RELN: variants seen among roughly 807,000 people sequenced by gnomAD.
RELN encodes reelin.
RELN carries 108 observed loss-of-function variants against 427.6 expected under a neutral mutation model. The observed-to-expected ratio is 0.25, with a 90% CI of 0.22 to 0.30. The LOEUF (loss-of-function observed/expected upper bound fraction) is 0.30, where lower values mean the gene tolerates loss of function less well. Ranked by LOEUF, RELN falls within the 10% of genes least tolerant of loss-of-function variation. RELN has a pLI of 1.00. For missense variants in RELN, 3,715 were observed against 4,302.8 expected (o/e 0.86, Z 3.82); for synonymous variants, 1,524 against 1,513.4 (o/e 1.01, Z -0.16).
intron 1 of RELN, among the ~76,000 whole-genome samples, chr7:103,961,746 T>C (rs1563113380): frequency 2.0e-5 from 3 of 152,156 alleles, no homozygotes; most frequent in South Asian, 4.1e-4. Flanking sequence ...TCATGTTTCA[T>C]TCTCTCCACC....
At chr7:103,865,706 T>A (rs1309537118) in intron 2 of RELN, among the ~76,000 whole-genome samples, 1 of 152,152 alleles carries the variant, frequency 6.6e-6, no homozygotes, top group Non-Finnish European at 1.5e-5. Flanking sequence ...AATTCTTTCA[T>A]GATAAAAACT....
chr7:103,931,135 G>T (rs1215331341), intron 1 of RELN, among the ~76,000 whole-genome samples: 2 of 152,012 alleles, frequency 1.3e-5, no homozygotes, highest in South Asian at 2.1e-4. Flanking sequence ...CGGGTACCAA[G>T]AATCCCCCAG....
At chr7:103,922,314 TC>T (rs1795632155) in intron 1 of RELN, among the ~76,000 whole-genome samples, 1 of 152,154 alleles carries the variant, frequency 6.6e-6, no homozygotes, top group African/African-American at 2.4e-5. Context: ...TAATAGCTTT[TC>T]TTTTATATAT....
intron 4 of RELN, among the ~76,000 whole-genome samples, chr7:103,764,790 C>T (rs889571233): frequency 4.1e-5 from 6 of 146,922 alleles, no homozygotes; most frequent in African/African-American, 1.5e-4. Context: ...AAGCCGAGAT[C>T]GCACCACTGC....
intron 6 of RELN, among the ~76,000 whole-genome samples, chr7:103,738,337 T>A (rs1412538282): frequency 1.3e-5 from 2 of 152,010 alleles, no homozygotes; most frequent in Non-Finnish European, 2.9e-5. Flanking sequence ...TCCTTTGCAG[T>A]CTCTCTCTGT....
intron 2 of RELN, among the ~76,000 whole-genome samples, chr7:103,847,789 G>T (rs113881709): frequency 4.6e-5 from 7 of 152,086 alleles, no homozygotes; most frequent in African/African-American, 1.7e-4. Context: ...TCTTCTTTGA[G>T]TTTCTGTGGC....
intron 1 of RELN, among the ~76,000 whole-genome samples, chr7:103,971,453 A>G (rs1379668163): frequency 6.6e-6 from 1 of 152,228 alleles, no homozygotes; most frequent in Non-Finnish European, 1.5e-5. Flanking sequence ...ATACACAGAT[A>G]TGCACAAAAT....
chr7:103,769,776 C>T (rs547165665), intron 4 of RELN, among the ~76,000 whole-genome samples: 2 of 152,128 alleles, frequency 1.3e-5, no homozygotes, highest in Non-Finnish European at 2.9e-5. Flanking sequence ...ACTCTGTGAC[C>T]GTGATGAATC....
chr7:103,625,637 TC>T (rs1294125049), intron 20 of RELN, among the ~76,000 whole-genome samples: 1 of 152,100 alleles, frequency 6.6e-6, no homozygotes, highest in African/African-American at 2.4e-5. Flanking sequence ...GTATCATTGC[TC>T]CCATTTTACA....
chr7:103,811,569 G>A (rs921403199), intron 3 of RELN, among the ~76,000 whole-genome samples: 5 of 152,094 alleles, frequency 3.3e-5, no homozygotes, highest in Non-Finnish European at 5.9e-5. Context: ...TGCATAGCAC[G>A]GGCCTATAAA....
intron 47 of RELN, among the ~76,000 whole-genome samples, chr7:103,522,748 A>G (rs1483503628): frequency 6.7e-6 from 1 of 150,284 alleles, no homozygotes; most frequent in Non-Finnish European, 1.5e-5. Flanking sequence ...GGCTAAAATC[A>G]TTAGCCAAAA....
chr7:103,722,074 A>G (rs924896260), intron 8 of RELN, among the ~76,000 whole-genome samples: 3 of 152,216 alleles, frequency 2.0e-5, no homozygotes, highest in African/African-American at 7.2e-5. Context: ...GGACTTCTGA[A>G]CTGTCTGTAA....
intron 7 of RELN, among the ~76,000 whole-genome samples, chr7:103,726,706 G>T (rs545980714): frequency 6.6e-6 from 1 of 152,122 alleles, no homozygotes; most frequent in Non-Finnish European, 1.5e-5. Context: ...TACTAAATGA[G>T]ACACCTTCTA....
Position 103,545,029 on chromosome 7 carries a change from T to G in RELN, c.6523+95A>C, listed in dbSNP as rs143814143. 2.5e-4 allele frequency: 216 copies of G among 859,280 alleles called. 1 individual carries two copies. The highest frequency in any genetic ancestry group is 4.0e-4 in the Non-Finnish European group (205 of 516,896). The allele number at this position is 859,280 out of a possible 1,614,324, so 53.2% of individuals were successfully genotyped here. ...CACAATTGAAATAATAATGAGATATTAGAATTAAACTTAATGATTAGTTAT... is the reference window on the plus strand; with the variant it reads ...CACAATTGAAATAATAATGAGATATGAGAATTAAACTTAATGATTAGTTAT... On this transcript the variant is annotated intron_variant, in intron 42 of 64. Coordinates refer to ENST00000428762, the MANE Select transcript of RELN (RefSeq NM_005045.4).
At chr7:103,839,077 G>C (rs1216688823) in intron 2 of RELN, among the ~76,000 whole-genome samples, 1 of 152,160 alleles carries the variant, frequency 6.6e-6, no homozygotes, top group Non-Finnish European at 1.5e-5. Context: ...CATTAGAAAT[G>C]TGCCTTAGTA....
intron 2 of RELN, among the ~76,000 whole-genome samples, chr7:103,894,801 G>T (rs1794923753): frequency 6.6e-6 from 1 of 152,056 alleles, no homozygotes; most frequent in African/African-American, 2.4e-5. Flanking sequence ...CTCAAATTTT[G>T]TATGTAAGCA....
chr7:103,859,469 A>G (rs1376567146), intron 2 of RELN, among the ~76,000 whole-genome samples: 2 of 151,814 alleles, frequency 1.3e-5, no homozygotes, highest in African/African-American at 2.4e-5. Context: ...AATTTTTTGT[A>G]TTTTTAGTAG....
At chr7:103,855,074 T>C (rs1168560867) in intron 2 of RELN, among the ~76,000 whole-genome samples, 2 of 152,218 alleles carry the variant, frequency 1.3e-5, no homozygotes, top group Non-Finnish European at 2.9e-5. Flanking sequence ...ATGTACAGAA[T>C]TGAATGTATA....
At chr7:103,508,004 T>G (rs887869132) in intron 51 of RELN, among the ~76,000 whole-genome samples, 1 of 152,164 alleles carries the variant, frequency 6.6e-6, no homozygotes, top group Non-Finnish European at 1.5e-5. Context: ...AATCCCTGAA[T>G]AGACCAATAA....
Sources: gnomAD v4.1 joint callset for allele counts (sites outside exome capture counted in the v4.1 genomes callset) on GRCh38, gnomAD v4.1.1 for gene constraint, MANE v1.5 for transcripts, NCBI Gene and HGNC (gene_info 2026-07-23, HGNC 2026-07-21) for gene names.